Variants in NLRP4 observed in about 807,000 individuals in gnomAD.
NLRP4 encodes NACHT, LRR and PYD domains-containing protein 4.
A neutral mutation model predicts 84.7 loss-of-function variants in NLRP4; 44 were observed. The observed-to-expected ratio is 0.52, with a 90% CI of 0.41 to 0.67. NLRP4 has a LOEUF of 0.67. NLRP4 is among the 30% of genes least tolerant of loss of function. NLRP4 has a pLI of 0.00. For missense variants in NLRP4, 1,260 were observed against 1,219.4 expected (o/e 1.03, Z -0.50); for synonymous variants, 544 against 476.4 (o/e 1.14, Z -1.85).
chr19:55,856,511 CTTT>C (rs71182923), intron 2 of NLRP4, among the ~76,000 whole-genome samples: 5,093 of 112,062 alleles, frequency 0.045, 257 homozygotes, highest in African/African-American at 0.18. Flanking sequence ...GTTGCTGGAT[CTTT>C]TTTTTTTTTT....
intron 2 of NLRP4, among the ~76,000 whole-genome samples, chr19:55,857,014 G>A (rs1434622122): frequency 6.6e-6 from 1 of 152,172 alleles, no homozygotes; most frequent in Admixed American, 6.5e-5. Context: ...ACCTATATGT[G>A]TATATAAATC....
intron 5 of NLRP4, among the ~76,000 whole-genome samples, chr19:55,866,457 C>A (rs1374300044): frequency 6.6e-6 from 1 of 152,196 alleles, no homozygotes; most frequent in African/African-American, 2.4e-5. Flanking sequence ...TTCTGGACAA[C>A]TCCCATAATG....
Position 55,877,071 on chromosome 19 carries a change from G to T in NLRP4, c.2601G>T (p.Lys867Asn). 1.2e-6 allele frequency: 2 copies of T among 1,614,122 alleles called. No individual in the cohort carries two copies. Among genetic ancestry groups the T allele is most frequent in the Non-Finnish European group, 8.5e-7 (1 of 1,179,980 alleles). Residue 867 changes from lysine to asparagine, a missense_variant, in exon 8 of 10, where the codon AAG becomes AAT. Coordinates refer to ENST00000301295, the MANE Select transcript of NLRP4 (RefSeq NM_134444.5). Reference protein sequence around the residue: ...ASALISNQNLKILQIGCNEIG... With the variant: ...ASALISNQNLNILQIGCNEIG... The stretch of plus-strand genomic sequence containing the variant: ...CTCTCATCAGCAATCAAAACCTGAA[G>T]ATTCTGCAAATTGGGTGCAATGAAA...
At chr19:55,878,337 T>C (rs1431078187) in intron 8 of NLRP4, among the ~76,000 whole-genome samples, 1 of 152,134 alleles carries the variant, frequency 6.6e-6, no homozygotes, top group Non-Finnish European at 1.5e-5. Flanking sequence ...GGAAAATTGC[T>C]AGAACCCAGC....
chr19:55,851,965 T>G (rs1010857758), intron 1 of NLRP4, 51 bp from the exon 2 acceptor site: 3 of 777,482 alleles, frequency 3.9e-6, no homozygotes, highest in Admixed American at 4.9e-5. Context: ...ATAATGGTAA[T>G]CTTGATCCAT....
At chr19:55,859,611 G>A (rs1286467601) in intron 3 of NLRP4, among the ~76,000 whole-genome samples, 1 of 152,046 alleles carries the variant, frequency 6.6e-6, no homozygotes, top group African/African-American at 2.4e-5. Context: ...TCAGCTGCAA[G>A]TTACCTTTGA....
chr19:55,851,382 G>T, intron 1 of NLRP4, among the ~76,000 whole-genome samples: 1 of 82,556 alleles, frequency 1.2e-5, no homozygotes, highest in Non-Finnish European at 2.0e-5. Context: ...AGGCTGCGGT[G>T]TAATGTCCGA....
intron 1 of NLRP4, among the ~76,000 whole-genome samples, chr19:55,849,092 G>C (rs1168916901): frequency 6.6e-6 from 1 of 152,172 alleles, no homozygotes; most frequent in African/African-American, 2.4e-5. Flanking sequence ...CATGAGAACA[G>C]ACTAATACAC....
chr19:55,853,212 TTTG>T (rs1256773300), intron 2 of NLRP4, among the ~76,000 whole-genome samples: 1 of 152,236 alleles, frequency 6.6e-6, no homozygotes, highest in Admixed American at 6.5e-5. Context: ...ATTGTTTTTC[TTTG>T]TTGTTGTTCA....
intron 1 of NLRP4, among the ~76,000 whole-genome samples, chr19:55,850,391 G>GAGGCTGCGGTGTAATGTCCA: frequency 1.8e-5 from 1 of 54,222 alleles, no homozygotes; most frequent in Non-Finnish European, 2.9e-5. Context: ...TGTAATGTCC[G>GAGGCTGCGGTGTAATGTCCA]TGGCTGCGGT....
At chr19:55,862,944 G>T (rs1984819372) in intron 5 of NLRP4, among the ~76,000 whole-genome samples, 1 of 152,206 alleles carries the variant, frequency 6.6e-6, no homozygotes, top group Non-Finnish European at 1.5e-5. Context: ...CAGCCTTCAT[G>T]GATTCTGGCA....
chr19:55,872,528 G>T (rs1985224247), intron 7 of NLRP4, among the ~76,000 whole-genome samples: 1 of 152,152 alleles, frequency 6.6e-6, no homozygotes, highest in Non-Finnish European at 1.5e-5. Context: ...AAAAGGAGAT[G>T]AAATGAGCAA....
intron 7 of NLRP4, among the ~76,000 whole-genome samples, chr19:55,876,176 G>A (rs1372211875): frequency 1.3e-5 from 2 of 152,312 alleles, no homozygotes; most frequent in East Asian, 1.9e-4. Flanking sequence ...ACTGATCCAC[G>A]TGTGTTCAGA....
At chr19:55,871,846 C>CTTTTT (rs376627745) in intron 7 of NLRP4, among the ~76,000 whole-genome samples, 4 of 142,128 alleles carry the variant, frequency 2.8e-5, no homozygotes, top group Non-Finnish European at 4.7e-5. Flanking sequence ...CAGAAATAAT[C>CTTTTT]TTTTTTTTTT....
At chr19:55,876,939 C>T in intron 7 of NLRP4, 57 bp from the exon 8 acceptor site, 1 of 1,431,432 alleles carries the variant, frequency 7.0e-7, no homozygotes, top group Non-Finnish European at 9.6e-7. Context: ...GTCTCTTTTC[C>T]TGATATTAGA....
intron 1 of NLRP4, 149 bp from the exon 2 acceptor site, chr19:55,851,867 A>G (rs916808363): frequency 2.3e-5 from 12 of 523,064 alleles, no homozygotes; most frequent in African/African-American, 6.0e-5. Context: ...TGAGACTTTC[A>G]TGACCATTTG....
Position 55,871,049 on chromosome 19 carries a change from C to T in NLRP4, c.2525+52C>T, listed in dbSNP as rs749238079. 23 of 1,519,744 alleles carry T rather than the reference C, an allele frequency of 1.5e-5. No individual in the cohort carries two copies. In the Middle Eastern group the frequency reaches 5.7e-4, roughly 37 times the overall value. 94.1% of individuals were successfully genotyped at this position (1,519,744 alleles called of 1,614,324 possible). ...ACCAAGCCGTCTTTTCAAGGGCATGCACTGCTGAGAATGGGGCATCTGGAA... is the reference window on the plus strand; with the variant it reads ...ACCAAGCCGTCTTTTCAAGGGCATGTACTGCTGAGAATGGGGCATCTGGAA... On this transcript the variant is annotated intron_variant, in intron 7 of 9. Transcript: ENST00000301295.
chr19:55,878,140 G>A (rs890259823), intron 8 of NLRP4, among the ~76,000 whole-genome samples: 4 of 152,212 alleles, frequency 2.6e-5, no homozygotes, highest in Admixed American at 1.3e-4. Context: ...CGTGGTGCAT[G>A]CCTGTAGCCC....
intron 3 of NLRP4, among the ~76,000 whole-genome samples, chr19:55,859,972 A>G (rs1984677282): frequency 1.4e-5 from 2 of 139,890 alleles, no homozygotes; most frequent in Admixed American, 1.5e-4. Flanking sequence ...AATCATACAA[A>G]TTTTCTTCTT....
Sources: allele counts gnomAD v4.1 joint callset (sites outside exome capture counted in the v4.1 genomes callset), GRCh38; gene constraint gnomAD v4.1.1; transcripts MANE v1.5; gene names NCBI Gene and HGNC (gene_info 2026-07-23, HGNC 2026-07-21).